The following EVC2 variants were observed in gnomAD, a reference collection of about 807,000 sequenced individuals.
The protein encoded by EVC2 is EvC ciliary complex subunit 2.
In EVC2, 148 loss-of-function variants were observed where a neutral mutation model predicts 149.3. That is an observed-to-expected ratio of 0.99 (90% CI 0.87 to 1.14). The LOEUF (loss-of-function observed/expected upper bound fraction) is 1.14. Among genes scored for constraint, EVC2 ranks in the 50% most tolerant of loss-of-function variants. EVC2 has a pLI of 0.00. For missense variants in EVC2, 1,854 were observed against 1,627.3 expected, an observed-to-expected ratio of 1.14 and a Z score of -2.40; for synonymous variants, 776 against 649.9, an observed-to-expected ratio of 1.19 and a Z score of -2.95.
intron 16 of EVC2, among the ~76,000 whole-genome samples, chr4:5,603,857 T>A (rs561883643): frequency 6.6e-6 from 1 of 152,246 alleles, no homozygotes; most frequent in East Asian, 1.9e-4. Flanking sequence ...TAAAGACTAT[T>A]TGTGAGAAAT....
At position 5,622,670 on chromosome 4, in the gene EVC2, G is replaced by C; in HGVS notation, c.2368C>G (p.Gln790Glu). The change falls in exon 14 of 22, where the codon CAG (glutamine) becomes GAG (glutamate). Residue 790 changes from glutamine to glutamate, a missense_variant. By Grantham distance (29) the Gln-to-Glu change is conservative. Coordinates refer to ENST00000344408, the MANE Select transcript of EVC2 (RefSeq NM_147127.5). This position sits in a 1 kb window ranked among gnomAD's most constrained non-coding sequence, Gnocchi z 5.8. ...CTGTCCCTCTCCTCCCCCTCCAGCT[G>C]CTCGGCCCGTGCAGCCATCTCCTTG... ...HGKEMAARAE[Q>E]LEGEERDRDQ... 1 of 1,614,054 alleles carries C rather than the reference G, an allele frequency of 6.2e-7. No homozygotes were observed. The highest frequency in any genetic ancestry group is 8.5e-7 in the Non-Finnish European group (1 of 1,180,018).
Position 5,640,194 on chromosome 4 carries a change from AACAG to A in EVC2, c.1470+316_1470+319del, listed in dbSNP as rs960119152. On this transcript the variant is annotated intron_variant, in intron 10 of 21. Transcript: ENST00000344408. The surrounding 1 kb of genome is among the most constrained non-coding windows in gnomAD (Gnocchi z 4.6). ...GGGTGGATAAATGAGTAGGTGGATGAACAGACAGATGGATGTGTAGATGGACAGA... is the reference window on the plus strand; with the variant it reads ...GGGTGGATAAATGAGTAGGTGGATGAACAGATGGATGTGTAGATGGACAGA... Among the ~76,000 whole-genome samples, 6 of 151,896 alleles carry A rather than the reference AACAG, an allele frequency of 4.0e-5. No homozygotes were observed. Among genetic ancestry groups the A allele is most frequent in the African/African-American group, 1.5e-4 (6 of 41,336 alleles).
chr4:5,708,901 A>C (rs1351373635), upstream of EVC2: 2 of 178,884 alleles, frequency 1.1e-5, no homozygotes, highest in Non-Finnish European at 2.3e-5. Flanking sequence ...GTGAATCCAG[A>C]GTTTCCCCAT....
downstream of EVC2, among the ~76,000 whole-genome samples, chr4:5,542,505 A>G (rs1349844578): frequency 1.3e-5 from 2 of 152,114 alleles, no homozygotes; most frequent in African/African-American, 2.4e-5. Flanking sequence ...GGGACCTCCT[A>G]AAAGGGCCAA....
chr4:5,565,851 G>A (rs980036670), intron 20 of EVC2, among the ~76,000 whole-genome samples: 8 of 152,146 alleles, frequency 5.3e-5, no homozygotes, highest in African/African-American at 1.7e-4. Flanking sequence ...TGCAACCTCT[G>A]CCCTCAAGGG....
chr4:5,565,219 AC>A (rs1270571865), intron 21 of EVC2, 38 bp downstream of exon 21: 8 of 1,600,034 alleles, frequency 5.0e-6, no homozygotes, highest in Non-Finnish European at 6.0e-6. Context: ...AGCTTAGCTC[AC>A]CCCCTCCCCA....
At chr4:5,551,242 T>C (rs1436740771) in intron 21 of EVC2, among the ~76,000 whole-genome samples, 1 of 152,180 alleles carries the variant, frequency 6.6e-6, no homozygotes, top group African/African-American at 2.4e-5. Flanking sequence ...AGACACTCAA[T>C]GCCAGCCCAT....
At chr4:5,645,623 T>C (rs1450297563) in intron 9 of EVC2, among the ~76,000 whole-genome samples, 2 of 152,242 alleles carry the variant, frequency 1.3e-5, no homozygotes, top group African/African-American at 2.4e-5. Context: ...TAGTATTCCA[T>C]GGTGTATATG....
rs1722017398 is a variant in EVC2 at position 5,562,522 on chromosome 4, C to A, written c.*326G>T. The A allele has an allele frequency of 8.3e-7, 1 of 1,199,362 alleles. No homozygotes were observed. Among genetic ancestry groups the A allele is most frequent in the Non-Finnish European group, 1.0e-6 (1 of 962,306 alleles). The allele number at this position is 1,199,362 out of a possible 1,614,324, so 74.3% of individuals were successfully genotyped here. A position where few individuals can be genotyped will look rare whatever the true frequency, so the allele number is the denominator to read the frequency against. On this transcript the variant is annotated 3_prime_UTR_variant, in exon 22 of 22. Coordinates refer to ENST00000344408, the MANE Select transcript of EVC2 (RefSeq NM_147127.5). The surrounding 1 kb of genome is among the most constrained non-coding windows in gnomAD (Gnocchi z 4.3). ...AATACAAAACATAAGAGTAGAGAAT[C>A]TGGCTGTCACCACACAGACCATAGC...
intron 9 of EVC2, among the ~76,000 whole-genome samples, chr4:5,642,526 C>A (rs1347598513): frequency 1.3e-5 from 2 of 152,176 alleles, no homozygotes; most frequent in African/African-American, 2.4e-5. Flanking sequence ...GGATTACTTG[C>A]AAATTACAAA....
Position 5,707,735 on chromosome 4 carries a change from C to T in EVC2, c.228+551G>A, listed in dbSNP as rs919974120. ...TCGGGGGAGGTCAAGTCTAGGGCTACAGCCAGGGATCCATGCCTTTCGAGT... is the reference window on the plus strand; with the variant it reads ...TCGGGGGAGGTCAAGTCTAGGGCTATAGCCAGGGATCCATGCCTTTCGAGT... On this transcript the variant is annotated intron_variant, in intron 1 of 21. Coordinates refer to ENST00000344408, the MANE Select transcript of EVC2 (RefSeq NM_147127.5). Among the ~76,000 whole-genome samples the T allele has an allele frequency of 5.3e-4, 81 of 152,048 alleles. 1 individual carries two copies. The highest frequency in any genetic ancestry group is 1.8e-3 in the African/African-American group (75 of 41,396).
Position 5,698,641 on chromosome 4 carries a change from G to A in EVC2, c.229-994C>T, listed in dbSNP as rs866220103. On this transcript the variant is annotated intron_variant, in intron 1 of 21. Coordinates refer to ENST00000344408, the MANE Select transcript of EVC2 (RefSeq NM_147127.5). Reference sequence around the variant, plus strand: ...ACCTTCTCCATGTGCCAGTGCTTACGCTATGTGCACTGAGTGAACTGTACA... The same window carrying A: ...ACCTTCTCCATGTGCCAGTGCTTACACTATGTGCACTGAGTGAACTGTACA... Among the ~76,000 whole-genome samples the A allele has an allele frequency of 2.6e-4, 40 of 152,304 alleles. 1 individual carries two copies. The Middle Eastern group carries it at 0.021, about 78-fold the overall frequency.
chr4:5,691,073 C>A lies in EVC2; in HGVS notation c.519+192G>T, dbSNP rs181679152. Among the ~76,000 whole-genome samples the A allele has an allele frequency of 0.018, 2,736 of 152,198 alleles. 56 individuals carry two copies. Among genetic ancestry groups the A allele is most frequent in the Admixed American group, 0.034 (522 of 15,296 alleles). On this transcript the variant is annotated intron_variant, in intron 4 of 21. Transcript: ENST00000344408. The stretch of plus-strand genomic sequence containing the variant: ...TTTACTGACAATTATTTAATTGTAA[C>A]AAAAATAATCTCAGTCCTAGTATTG...
chr4:5,668,775 A>T (rs1318958996), intron 7 of EVC2, among the ~76,000 whole-genome samples: 3 of 152,216 alleles, frequency 2.0e-5, no homozygotes, highest in Non-Finnish European at 4.4e-5. Flanking sequence ...AACAATTTTG[A>T]TCACCAACAA....
chr4:5,598,231 A>T (rs1216574050), intron 16 of EVC2, among the ~76,000 whole-genome samples: 1 of 152,102 alleles, frequency 6.6e-6, no homozygotes, highest in Admixed American at 6.5e-5. Flanking sequence ...TAAAGTTCAT[A>T]TGGAACCAAA....
downstream of EVC2, among the ~76,000 whole-genome samples, chr4:5,538,596 A>G (rs1721461214): frequency 6.6e-6 from 1 of 152,172 alleles, no homozygotes; most frequent in Non-Finnish European, 1.5e-5. Flanking sequence ...AGAAACTAAC[A>G]ATAGATTGCA....
chr4:5,629,652 T>A (rs1414561424), intron 11 of EVC2, among the ~76,000 whole-genome samples: 3 of 152,254 alleles, frequency 2.0e-5, no homozygotes, highest in Admixed American at 2.0e-4. Flanking sequence ...AGCTGTAACA[T>A]CTCCACATCT....
intron 7 of EVC2, among the ~76,000 whole-genome samples, chr4:5,674,537 T>C (rs533879981): frequency 1.1e-4 from 17 of 152,236 alleles, no homozygotes; most frequent in African/African-American, 4.1e-4. Flanking sequence ...AATGATCCAA[T>C]GCATAGGACC....
chr4:5,543,088 G>A (rs1458833515), exon 22 of EVC2: 11 of 1,249,248 alleles, frequency 8.8e-6, no homozygotes, highest in East Asian at 5.6e-5. Flanking sequence ...TGCTCAGTCC[G>A]AGGTAACTCA....
Sources: gnomAD v4.1 joint callset for allele counts (sites outside exome capture counted in the v4.1 genomes callset) on GRCh38, gnomAD v4.1.1 for gene constraint, Gnocchi (gnomAD v3.1) non-coding constraint, MANE v1.5 for transcripts, NCBI Gene and HGNC (gene_info 2026-07-23, HGNC 2026-07-21) for gene names.